The following TNRC6A variants were observed in gnomAD, a reference collection of about 807,000 sequenced individuals.
TNRC6A encodes the protein trinucleotide repeat-containing gene 6A protein.
In TNRC6A, 44 loss-of-function variants were observed where a neutral mutation model predicts 221.2. That is an observed-to-expected ratio of 0.20 (90% CI 0.16 to 0.26). The LOEUF is 0.26. Among genes scored for constraint, TNRC6A ranks in the 10% least tolerant of loss-of-function variants. The probability of loss-of-function intolerance (pLI) is 1.00; values close to 1 mark genes in which losing one functional copy is unlikely to be tolerated. For synonymous variants in TNRC6A, 847 were observed against 838.5 expected, an observed-to-expected ratio of 1.01 and a Z score of -0.18; for missense variants, 2,199 against 2,404.4, an observed-to-expected ratio of 0.91 and a Z score of 1.79.
At chr16:24,796,884 A>G (rs1466087294) in intron 9 of TNRC6A, among the ~76,000 whole-genome samples, 3 of 152,150 alleles carry the variant, frequency 2.0e-5, no homozygotes, top group African/African-American at 7.2e-5. Flanking sequence ...GTCTCAATGG[A>G]GTTTGCGTAC....
chr16:24,613,946 T>C (rs1046153702), intron 1 of TNRC6A, among the ~76,000 whole-genome samples: 1 of 152,204 alleles, frequency 6.6e-6, no homozygotes, highest in African/African-American at 2.4e-5. Context: ...CAAAGCTTAG[T>C]GGCTTCAAAC....
rs184199396 is a variant in TNRC6A, at chr16:24,676,702, C to T, written n.402+35693C>T. ...CTCCTGGGCTCAAGCAATCCACCCC[C>T]GTCAGCCTCCCAAAGTGCTAGGATT... On this transcript the variant is annotated intron_variant and non_coding_transcript_variant, in intron 2 of 2. Coordinates refer to the TNRC6A transcript ENST00000566108. 5.3e-5 allele frequency among the ~76,000 whole-genome samples: 8 copies of T among 152,256 alleles called. No homozygotes were observed. In the East Asian group the frequency reaches 1.4e-3, roughly 26 times the overall value.
chr16:24,658,205 T>C lies in TNRC6A; in HGVS notation n.402+17196T>C, dbSNP rs185503760. On this transcript the variant is annotated intron_variant and non_coding_transcript_variant, in intron 2 of 2. Coordinates refer to the TNRC6A transcript ENST00000566108. ...GTTTTGTTTCTGCTTGCTGTTTTAT[T>C]TCAGAGTTCTAAAACTGTGGACAAT... 2.0e-5 allele frequency among the ~76,000 whole-genome samples: 3 copies of C among 152,298 alleles called. No homozygotes were observed. The East Asian group carries it at 5.8e-4, about 29-fold the overall frequency.
chr16:24,728,384 T>G (rs1016777464), upstream of TNRC6A, among the ~76,000 whole-genome samples: 3 of 151,454 alleles, frequency 2.0e-5, no homozygotes, highest in Non-Finnish European at 4.4e-5. Context: ...GAGGCGGAGG[T>G]TGCGGTGAAC....
intron 1 of TNRC6A, among the ~76,000 whole-genome samples, chr16:24,614,232 A>G (rs1405631066): frequency 6.6e-6 from 1 of 152,234 alleles, no homozygotes; most frequent in Non-Finnish European, 1.5e-5. Context: ...GGGAAGCCCC[A>G]GTACACAAGC....
chr16:24,677,879 G>A (rs990784891), intron 2 of TNRC6A, among the ~76,000 whole-genome samples: 3 of 148,248 alleles, frequency 2.0e-5, no homozygotes, highest in African/African-American at 7.3e-5. Flanking sequence ...TGCCCGCGTG[G>A]TTGCTGGATG....
chr16:24,771,191 A>G (rs1162861580), intron 4 of TNRC6A, among the ~76,000 whole-genome samples: 2 of 152,222 alleles, frequency 1.3e-5, no homozygotes, highest in Non-Finnish European at 2.9e-5. Context: ...TTTTTAACTC[A>G]CTTAAAATAT....
chr16:24,736,812 A>G (rs1180391582), intron 2 of TNRC6A, among the ~76,000 whole-genome samples: 1 of 152,216 alleles, frequency 6.6e-6, no homozygotes, highest in Non-Finnish European at 1.5e-5. Flanking sequence ...TTAAACCGAG[A>G]TGTAATTTTA....
intron 5 of TNRC6A, among the ~76,000 whole-genome samples, chr16:24,786,653 G>C (rs2057976449): frequency 6.6e-6 from 1 of 151,404 alleles, no homozygotes; most frequent in Non-Finnish European, 1.5e-5. Flanking sequence ...ACAGTTGTGT[G>C]AGATTGGTAC....
chr16:24,823,771 T>C lies in TNRC6A; in HGVS notation c.5853T>C (p.Ser1951=). The C allele has an allele frequency of 6.7e-7, 1 of 1,483,768 alleles. No individual in the cohort carries two copies. The allele number at this position is 1,483,768 out of a possible 1,614,324, so 91.9% of individuals were successfully genotyped here. The change falls in exon 25 of 25, where the codon TCT becomes TCC. Residue 1951 remains serine, a synonymous_variant. Coordinates refer to ENST00000395799, the MANE Select transcript of TNRC6A (RefSeq NM_014494.4). The surrounding 1 kb of genome is among the most constrained non-coding windows in gnomAD (Gnocchi z 4.3). ...SSPSPINAFL[S]VDHLGGGGES... is the part of the protein sequence containing the mutation. Reference sequence around the variant, plus strand: ...CATCTCCCATTAACGCTTTTCTTTCTGTTGACCACCTGGGTGGGGGTGGAG... The same window carrying C: ...CATCTCCCATTAACGCTTTTCTTTCCGTTGACCACCTGGGTGGGGGTGGAG...
At chr16:24,817,945 CA>C (rs1186032112) in intron 20 of TNRC6A, among the ~76,000 whole-genome samples, 4 of 152,134 alleles carry the variant, frequency 2.6e-5, no homozygotes, top group African/African-American at 9.7e-5. Flanking sequence ...GGAAATAGAA[CA>C]TTGAAGGCTT....
intron 1 of TNRC6A, among the ~76,000 whole-genome samples, chr16:24,632,307 C>T (rs988494837): frequency 6.6e-6 from 1 of 152,064 alleles, no homozygotes; most frequent in Admixed American, 6.6e-5. Flanking sequence ...TTCTTGATTT[C>T]CCCTCAAAAC....
chr16:24,614,468 G>A (rs1351750416), intron 1 of TNRC6A, among the ~76,000 whole-genome samples: 1 of 152,228 alleles, frequency 6.6e-6, no homozygotes, highest in Non-Finnish European at 1.5e-5. Context: ...GAGGAAATTT[G>A]AGGCCAATTT....
Position 24,820,285 on chromosome 16 carries a change from C to G in TNRC6A, c.5227C>G (p.Pro1743Ala), listed in dbSNP as rs1374670519. Residue 1743 changes from proline (P) to alanine (A), a missense_variant, in exon 22 of 25, where the codon CCC becomes GCC. Transcript: ENST00000395799. Reference protein sequence around the residue: ...PPPGLTGQKPPLSTWDNSPLR... With the variant: ...PPPGLTGQKPALSTWDNSPLR... ...TCCGGGACTGACTGGTCAGAAGCCA[C>G]CCTTGTCTACGTGGGATAATTCTCC... 6.2e-7 allele frequency: 1 copy of G among 1,614,044 alleles called. No homozygotes were observed. Among genetic ancestry groups the G allele is most frequent in the African/African-American group, 1.3e-5 (1 of 74,904 alleles).
At chr16:24,637,816 G>A (rs1005146867) in intron 1 of TNRC6A, among the ~76,000 whole-genome samples, 7 of 151,884 alleles carry the variant, frequency 4.6e-5, no homozygotes, top group African/African-American at 1.5e-4. Flanking sequence ...GATGGAGTCT[G>A]GCTCTGTTGC....
intron 1 of TNRC6A, among the ~76,000 whole-genome samples, chr16:24,633,190 C>T (rs1901439707): frequency 6.6e-6 from 1 of 152,014 alleles, no homozygotes; most frequent in African/African-American, 2.4e-5. Flanking sequence ...GCTCTATTTA[C>T]CATATATGCA....
At chr16:24,620,581 G>A (rs1400736917) in intron 1 of TNRC6A, among the ~76,000 whole-genome samples, 2 of 152,158 alleles carry the variant, frequency 1.3e-5, no homozygotes, top group Non-Finnish European at 2.9e-5. Flanking sequence ...GCCGACGCGG[G>A]CAGATTACCT....
chr16:24,780,905 A>C (rs1054457462), intron 5 of TNRC6A, among the ~76,000 whole-genome samples: 4 of 152,082 alleles, frequency 2.6e-5, no homozygotes, highest in African/African-American at 7.2e-5. Context: ...GTGCTCTTGC[A>C]TTGGGCTTTT....
chr16:24,678,665 A>C (rs926265134), intron 2 of TNRC6A, among the ~76,000 whole-genome samples: 1 of 152,158 alleles, frequency 6.6e-6, no homozygotes, highest in Non-Finnish European at 1.5e-5. Context: ...AGATTATACC[A>C]CTGCACTTCA....
Sources: gnomAD v4.1 joint callset for allele counts (sites outside exome capture counted in the v4.1 genomes callset) on GRCh38, gnomAD v4.1.1 for gene constraint, Gnocchi (gnomAD v3.1) non-coding constraint, MANE v1.5 for transcripts, NCBI Gene and HGNC (gene_info 2026-07-23, HGNC 2026-07-21) for gene names.